NFXL1: variants seen among roughly 807,000 people sequenced by gnomAD.
NFXL1 encodes nuclear transcription factor, X-box binding like 1, also known as NF-X1-type zinc finger protein NFXL1.
A neutral mutation model predicts 123.3 loss-of-function variants in NFXL1; 66 were observed. The ratio of observed to expected loss-of-function variants is 0.54; its 90% confidence interval spans 0.44 to 0.66. NFXL1 has a LOEUF of 0.66. Ranked by LOEUF, NFXL1 falls within the 30% of genes least tolerant of loss-of-function variation. The pLI, the probability that NFXL1 is intolerant of heterozygous loss-of-function variation, is 0.00. For synonymous variants in NFXL1, 346 were observed against 360.8 expected (o/e 0.96, Z 0.46); for missense variants, 944 against 1,125.6 (o/e 0.84, Z 2.31).
intron 19 of NFXL1, among the ~76,000 whole-genome samples, chr4:47,856,749 CTAT>C (rs1449377294): frequency 1.3e-5 from 2 of 152,178 alleles, no homozygotes; most frequent in African/African-American, 2.4e-5. Context: ...CAGAGAACTG[CTAT>C]TAATAGAGTA....
Position 47,910,804 on chromosome 4 carries a change from A to AC in NFXL1, c.406+19_406+20insG, listed in dbSNP as rs764935009. 6.7e-7 allele frequency: 1 copy of AC among 1,483,220 alleles called. No individual in the cohort carries two copies. The highest frequency in any genetic ancestry group is 1.4e-5 in the African/African-American group (1 of 69,778). The allele number at this position is 1,483,220 out of a possible 1,614,324, so 91.9% of individuals were successfully genotyped here. On this transcript the variant is annotated intron_variant, in intron 3 of 22. Transcript: ENST00000507489. Reference sequence around the variant, plus strand: ...TACAGTTTCATTGACGTCAAAAGTCAAAATTTAAAAGATCAGTACCTGTCT... The same window carrying AC: ...TACAGTTTCATTGACGTCAAAAGTCACAAATTTAAAAGATCAGTACCTGTCT...
At chr4:47,898,653 C>A in intron 8 of NFXL1, 104 bp downstream of exon 8, 1 of 718,096 alleles carries the variant, frequency 1.4e-6, no homozygotes, top group Non-Finnish European at 2.5e-6. Flanking sequence ...GCTATTCTTC[C>A]TTGCCTTTTA....
chr4:47,880,955 A>G lies in NFXL1; in HGVS notation c.1917-1838T>C, dbSNP rs577621386. 2.0e-5 allele frequency among the ~76,000 whole-genome samples: 3 copies of G among 152,170 alleles called. No homozygotes were observed. The South Asian group carries it at 6.2e-4, about 32-fold the overall frequency. On this transcript the variant is annotated intron_variant, in intron 15 of 22. Coordinates refer to ENST00000507489, the MANE Select transcript of NFXL1 (RefSeq NM_001278624.2). ...AGAATAGTTACAGGATGGAAAAGGT[A>G]GAGGGAGGAGGGGATAAGAGAGATT... is the stretch of plus-strand genomic sequence containing the variant.
rs745663518 is a variant in NFXL1, at chr4:47,914,216, GAAAA to G, written c.-2-15_-2-12del. 2.1e-5 allele frequency: 25 copies of G among 1,182,656 alleles called. No individual in the cohort carries two copies. Among genetic ancestry groups the G allele is most frequent in the Admixed American group, 3.0e-5 (1 of 33,080 alleles). The allele number at this position is 1,182,656 out of a possible 1,614,324, so 73.3% of individuals were successfully genotyped here. On this transcript the variant is annotated splice_polypyrimidine_tract_variant and intron_variant, in intron 1 of 22. Transcript: ENST00000507489. The stretch of plus-strand genomic sequence containing the variant: ...AGGAAGCTTCCATCCCTGCAAAGGA[GAAAA>G]AAAAAAAAAAGAGTGGAAGGAGGTG...
intron 5 of NFXL1, among the ~76,000 whole-genome samples, chr4:47,901,941 A>C (rs1737371276): frequency 6.6e-6 from 1 of 152,148 alleles, no homozygotes. Flanking sequence ...CAGCACTTTG[A>C]GGGGCCAAGG....
At chr4:47,853,161 A>G (rs1034572186) in intron 20 of NFXL1, among the ~76,000 whole-genome samples, 1 of 152,106 alleles carries the variant, frequency 6.6e-6, no homozygotes, top group Non-Finnish European at 1.5e-5. Flanking sequence ...TTCAGAGGAT[A>G]CTTACAGAGT....
intron 10 of NFXL1, among the ~76,000 whole-genome samples, chr4:47,894,711 T>C (rs949790343): frequency 2.0e-5 from 3 of 152,114 alleles, no homozygotes; most frequent in Non-Finnish European, 2.9e-5. Flanking sequence ...GTCTCAAGTC[T>C]AGGCCTCTAC....
At position 47,885,880 on chromosome 4, in the gene NFXL1, T is replaced by G. The variant is rs200870112; in HGVS notation, c.1663A>C (p.Ser555Arg). Residue 555 changes from serine to arginine, a missense_variant and splice_region_variant, in exon 13 of 23, where the codon AGT becomes CGT. Physicochemically the swap from Ser to Arg is moderately radical, Grantham distance 110. Around this residue, in one of 4 missense-constraint regions of NFXL1, gnomAD observed 44 missense variants for 90.4 expected, o/e 0.49. Transcript: ENST00000507489. The stretch of plus-strand genomic sequence containing the variant: ...GCTTGTGCAAAGCTTCAAACTCACC[T>G]GCATTGCTCCTTGCACTTGGGTGGT... ...TRPPKCKEQC[S>R]RPPTCHHTSQ... 6.2e-7 allele frequency: 1 copy of G among 1,612,134 alleles called. No individual in the cohort carries two copies.
chr4:47,877,073 A>T, intron 17 of NFXL1: 1 of 1,164,870 alleles, frequency 8.6e-7, no homozygotes, highest in Non-Finnish European at 1.1e-6. Flanking sequence ...TTCTATTTAA[A>T]TAACATGAGT....
intron 18 of NFXL1, among the ~76,000 whole-genome samples, chr4:47,867,051 G>A (rs1560585360): frequency 2.6e-5 from 4 of 152,144 alleles, no homozygotes; most frequent in Admixed American, 2.6e-4. Flanking sequence ...TTTGCTGACT[G>A]TGCCTCCTAC....
chr4:47,913,856 T>G, intron 2 of NFXL1, 113 bp downstream of exon 2: 1 of 691,584 alleles, frequency 1.4e-6, no homozygotes, highest in South Asian at 2.4e-5. Flanking sequence ...GATAACAAAC[T>G]CCCGAACGAG....
At chr4:47,913,827 A>C (rs1334345012) in intron 2 of NFXL1, 142 bp downstream of exon 2, 1 of 533,608 alleles carries the variant, frequency 1.9e-6, no homozygotes, top group Non-Finnish European at 3.2e-6. Context: ...GCCACCCGAA[A>C]GGCTGGAGAA....
chr4:47,851,700 AT>A (rs1427916399), intron 21 of NFXL1, among the ~76,000 whole-genome samples, 155 bp downstream of exon 21: 2 of 152,068 alleles, frequency 1.3e-5, no homozygotes, highest in African/African-American at 4.8e-5. Context: ...GGCAATGAAA[AT>A]CCCAATCTGC....
chr4:47,857,121 G>C (rs545498622), intron 19 of NFXL1, among the ~76,000 whole-genome samples: 2 of 152,128 alleles, frequency 1.3e-5, no homozygotes, highest in East Asian at 3.9e-4. Flanking sequence ...ATATTTGTAT[G>C]TATTTATAGG....
intron 3 of NFXL1, among the ~76,000 whole-genome samples, chr4:47,905,711 T>C (rs936098453): frequency 7.1e-5 from 9 of 126,748 alleles, no homozygotes; most frequent in African/African-American, 2.5e-4. Flanking sequence ...AACTAATTAG[T>C]AGAGCCACTG....
intron 18 of NFXL1, among the ~76,000 whole-genome samples, chr4:47,874,037 A>T (rs1560588786): frequency 6.6e-6 from 1 of 152,226 alleles, no homozygotes; most frequent in Non-Finnish European, 1.5e-5. Flanking sequence ...TTTCTTCTGC[A>T]GCTTCTTCAT....
Position 47,913,971 on chromosome 4 carries a change from C to T in NFXL1, c.233G>A (p.Ser78Asn). The change falls in exon 2 of 23, where the codon AGC becomes AAC. Residue 78 changes from serine (S) to asparagine (N), a missense_variant and splice_region_variant. Ser to Asn is a conservative substitution (Grantham distance 46, BLOSUM62 1). This residue lies in a region of NFXL1 where 303 missense variants were observed against 292.1 expected (regional missense o/e 1.04). Coordinates refer to ENST00000507489, the MANE Select transcript of NFXL1 (RefSeq NM_001278624.2). ...GSQALQTTAA[S>N]ELMSQKKFEE... ...ACGCGGGCGGGAGCCATTCTCACCG[C>T]TGGCTGCGGTAGTCTGCAGGGCTTG... The T allele has an allele frequency of 1.9e-6, 3 of 1,543,298 alleles. No homozygotes were observed. Among genetic ancestry groups the T allele is most frequent in the Non-Finnish European group, 2.6e-6 (3 of 1,143,534 alleles).
At chr4:47,909,339 T>C (rs1268587893) in intron 3 of NFXL1, among the ~76,000 whole-genome samples, 1 of 152,186 alleles carries the variant, frequency 6.6e-6, no homozygotes, top group African/African-American at 2.4e-5. Flanking sequence ...AGTAACCGTC[T>C]AGTCTCCTCA....
Position 47,913,949 on chromosome 4 carries a change from C to T in NFXL1, c.235+20G>A, listed in dbSNP as rs1279780204. ...CTTAGGAGGCATCCAGGTGAGCACG[C>T]GGGCGGGAGCCATTCTCACCGCTGG... On this transcript the variant is annotated intron_variant, in intron 2 of 22. Coordinates refer to ENST00000507489, the MANE Select transcript of NFXL1 (RefSeq NM_001278624.2). The T allele has an allele frequency of 1.3e-6, 2 of 1,521,798 alleles. No individual in the cohort carries two copies. The highest frequency in any genetic ancestry group is 1.4e-5 in the African/African-American group (1 of 72,474). 94.3% of individuals were successfully genotyped at this position (1,521,798 alleles called of 1,614,324 possible).
Sources: gnomAD v4.1 joint callset for allele counts (sites outside exome capture counted in the v4.1 genomes callset) on GRCh38, gnomAD v4.1.1 for gene constraint, gnomAD v4.1.1 regional missense constraint, MANE v1.5 for transcripts, NCBI Gene and HGNC (gene_info 2026-07-23, HGNC 2026-07-21) for gene names.